The following USH2A variants were observed in gnomAD, a reference collection of about 807,000 sequenced individuals.
The protein encoded by USH2A is Usher syndrome 2A (autosomal recessive, mild).
USH2A carries 443 observed loss-of-function variants against 538.9 expected under a neutral mutation model. That is an observed-to-expected ratio of 0.82 (90% confidence interval 0.76 to 0.89). USH2A has a LOEUF of 0.89. Among genes scored for constraint, USH2A ranks in the 40% least tolerant of loss-of-function variants. The probability of loss-of-function intolerance (pLI) is 0.00; values close to 1 mark genes in which losing one functional copy is unlikely to be tolerated. For synonymous variants in USH2A, 2,413 were observed against 2,273.5 expected (o/e 1.06, Z -1.75); for missense variants, 6,633 against 6,324.8 (o/e 1.05, Z -1.65).
chr1:215,743,254 C>A lies in USH2A; in HGVS notation c.11471G>T (p.Gly3824Val). The change falls in exon 59 of 72, where the codon GGT becomes GTT. Residue 3824 changes from glycine (G) to valine (V), a missense_variant. Transcript: ENST00000307340. ...GSVTPLAFSV[G>V]HHQSTLLENL... is the part of the protein sequence containing the mutation. ...TTCCAGAAGGGTGGATTGATGATGACCAACGGAGAAGGCCAGAGGTGTTAC... is the reference window on the plus strand; with the variant it reads ...TTCCAGAAGGGTGGATTGATGATGAACAACGGAGAAGGCCAGAGGTGTTAC... 1 of 1,611,656 alleles carries A rather than the reference C, an allele frequency of 6.2e-7. No homozygotes were observed. The highest frequency in any genetic ancestry group is 8.5e-7 in the Non-Finnish European group (1 of 1,179,332).
intron 38 of USH2A, among the ~76,000 whole-genome samples, chr1:215,916,781 T>C (rs1665965840): frequency 6.6e-6 from 1 of 152,028 alleles, no homozygotes; most frequent in Non-Finnish European, 1.5e-5. Context: ...TGAATACTAA[T>C]TGCTGTTGAC....
In USH2A at chr1:215,728,861, C is replaced by CTG. The variant is rs1016088036; in HGVS notation, c.11712-479_11712-478dup. The stretch of plus-strand genomic sequence containing the variant: ...ATTTTCCAGATCTGTGTGTATGTGT[C>CTG]TGTGTGTGTGTGCATGTATGCATGC... On this transcript the variant is annotated intron_variant, in intron 60 of 71. Coordinates refer to ENST00000307340, the MANE Select transcript of USH2A (RefSeq NM_206933.4). 7.9e-5 allele frequency among the ~76,000 whole-genome samples: 12 copies of CTG among 151,946 alleles called. 1 individual carries two copies. The highest frequency in any genetic ancestry group is 3.3e-4 in the Admixed American group (5 of 15,246).
intron 32 of USH2A, among the ~76,000 whole-genome samples, chr1:216,017,251 ACACACACG>A (rs1376967693): frequency 1.1e-4 from 17 of 152,200 alleles, no homozygotes; most frequent in Admixed American, 7.2e-4. Context: ...ACATACAAAA[ACACACACG>A]CACACACACA....
At chr1:216,277,577 G>T (rs1322540745) in intron 11 of USH2A, among the ~76,000 whole-genome samples, 1 of 152,060 alleles carries the variant, frequency 6.6e-6, no homozygotes, top group African/African-American at 2.4e-5. Flanking sequence ...TCGCTCTTGG[G>T]CTACCTTCTG....
intron 3 of USH2A, among the ~76,000 whole-genome samples, chr1:216,409,508 G>T (rs572380873): frequency 6.6e-6 from 1 of 152,196 alleles, no homozygotes; most frequent in East Asian, 1.9e-4. Context: ...AAGCAAAACA[G>T]CATGAATCTG....
chr1:215,685,446 C>T (rs1485324056), intron 61 of USH2A, among the ~76,000 whole-genome samples: 1 of 151,720 alleles, frequency 6.6e-6, no homozygotes, highest in Non-Finnish European at 1.5e-5. Flanking sequence ...CAACTTCCGC[C>T]TCCTGGGTTC....
chr1:215,934,202 C>G (rs1240925819), intron 38 of USH2A, among the ~76,000 whole-genome samples: 1 of 151,920 alleles, frequency 6.6e-6, no homozygotes, highest in East Asian at 1.9e-4. Flanking sequence ...TACAATTGAA[C>G]TAGTTATTTA....
chr1:216,336,192 G>A (rs950116283), intron 4 of USH2A, among the ~76,000 whole-genome samples: 5 of 151,340 alleles, frequency 3.3e-5, no homozygotes, highest in Admixed American at 3.3e-4. Flanking sequence ...TAGCTACATA[G>A]TCAAAGTTAA....
At chr1:215,764,645 A>G (rs1661076320) in intron 56 of USH2A, among the ~76,000 whole-genome samples, 3 of 152,268 alleles carry the variant, frequency 2.0e-5, no homozygotes, top group South Asian at 4.1e-4. Context: ...AATTCTTTCC[A>G]TGTCCACTTA....
intron 9 of USH2A, among the ~76,000 whole-genome samples, chr1:216,297,411 G>A (rs752363295): frequency 1.6e-4 from 25 of 152,060 alleles, no homozygotes; most frequent in South Asian, 4.1e-4. Flanking sequence ...TCAAAATGAA[G>A]ATAACTTAAT....
intron 58 of USH2A, 81 bp from the exon 59 acceptor site, chr1:215,743,416 G>GTGTATA (rs1491186893): frequency 7.1e-5 from 17 of 238,562 alleles, no homozygotes; most frequent in African/African-American, 4.8e-4. Flanking sequence ...GTGTGTGTGT[G>GTGTATA]TATATATATA....
chr1:215,792,554 G>A (rs185513519), intron 50 of USH2A, among the ~76,000 whole-genome samples: 4 of 152,250 alleles, frequency 2.6e-5, no homozygotes, highest in Admixed American at 1.3e-4. Context: ...AGATTTTTAT[G>A]CAGCATTTTC....
chr1:215,671,318 G>C, intron 63 of USH2A, 25 bp from the exon 64 acceptor site: 3 of 1,611,746 alleles, frequency 1.9e-6, no homozygotes, highest in Non-Finnish European at 2.5e-6. Context: ...GCAGAAATTA[G>C]TGATTTTCAG....
rs535636929 is a variant in USH2A at position 215,667,553 on chromosome 1, C to T, written c.14133+3419G>A. The stretch of plus-strand genomic sequence containing the variant: ...CTCTACTAAAAATACAAAAAAAATT[C>T]GCCACGCATGGTGGCGGGCGCCTGT... On this transcript the variant is annotated intron_variant, in intron 64 of 71. Coordinates refer to ENST00000307340, the MANE Select transcript of USH2A (RefSeq NM_206933.4). 1.6e-4 allele frequency among the ~76,000 whole-genome samples: 24 copies of T among 151,776 alleles called. No homozygotes were observed. The East Asian group carries it at 2.0e-3, about 12-fold the overall frequency.
At chr1:216,094,955 G>A (rs1457657333) in intron 22 of USH2A, among the ~76,000 whole-genome samples, 1 of 147,764 alleles carries the variant, frequency 6.8e-6, no homozygotes, top group Non-Finnish European at 1.5e-5. Flanking sequence ...TGCGTGTGTA[G>A]GTGTGTGTGT....
At chr1:216,174,040 A>G in intron 21 of USH2A, 2 of 985,152 alleles carry the variant, frequency 2.0e-6, no homozygotes, top group Non-Finnish European at 2.4e-6. Context: ...ATGTACTGAG[A>G]GAGTAGTTAA....
intron 47 of USH2A, among the ~76,000 whole-genome samples, chr1:215,835,322 C>G (rs1663445906): frequency 6.6e-6 from 1 of 151,734 alleles, no homozygotes; most frequent in Non-Finnish European, 1.5e-5. Context: ...TTTTTGAGAT[C>G]ATTCTTTTTT....
At chr1:216,237,512 AAAG>A (rs1421318250) in intron 13 of USH2A, among the ~76,000 whole-genome samples, 4 of 151,042 alleles carry the variant, frequency 2.6e-5, no homozygotes, top group Non-Finnish European at 5.9e-5. Context: ...AAAAAAAAAA[AAAG>A]AAAGAAAAAG....
chr1:215,782,090 T>A lies in USH2A; in HGVS notation c.10692A>T (p.Ser3564=), dbSNP rs1661659716. ...CAACCGTGCAAGCTTTCAGCTGATATGAATATTCCTGAAATGGTTGAATTC... is the reference window on the plus strand; with the variant it reads ...CAACCGTGCAAGCTTTCAGCTGATAAGAATATTCCTGAAATGGTTGAATTC... The part of the protein sequence containing the change: ...KEGIQPFQEY[S]YQLKACTVAG... The change falls in exon 54 of 72, where the codon TCA becomes TCT. Residue 3564 remains serine (S), a synonymous_variant. Coordinates refer to ENST00000307340, the MANE Select transcript of USH2A (RefSeq NM_206933.4). The A allele has an allele frequency of 6.2e-7, 1 of 1,613,874 alleles. No homozygotes were observed. Among genetic ancestry groups the A allele is most frequent in the East Asian group, 2.2e-5 (1 of 44,882 alleles).
Sources: allele counts gnomAD v4.1 joint callset (sites outside exome capture counted in the v4.1 genomes callset), GRCh38; gene constraint gnomAD v4.1.1; transcripts MANE v1.5; gene names NCBI Gene and HGNC (gene_info 2026-07-23, HGNC 2026-07-21).